The following DNAH5 variants were observed in gnomAD, a reference collection of about 807,000 sequenced individuals.
DNAH5 encodes dynein axonemal heavy chain 5.
A neutral mutation model predicts 518.2 loss-of-function variants in DNAH5; 372 were observed. That is an observed-to-expected ratio of 0.72 (90% CI 0.66 to 0.78). The LOEUF is 0.78. Among genes scored for constraint, DNAH5 ranks in the 30% least tolerant of loss-of-function variants. The pLI is 0.00. For missense variants in DNAH5, 5,523 were observed against 5,687.0 expected, an observed-to-expected ratio of 0.97 and a Z score of 0.93; for synonymous variants, 2,039 against 2,025.9, an observed-to-expected ratio of 1.01 and a Z score of -0.17.
chr5:13,922,061 G>C (rs1181466322), intron 5 of DNAH5, 46 bp downstream of exon 5: 1 of 1,585,340 alleles, frequency 6.3e-7, no homozygotes, highest in Non-Finnish European at 8.7e-7. Flanking sequence ...TACTGTGCTT[G>C]TTGACCACCT....
At chr5:13,819,585 T>C (rs1170072808) in intron 41 of DNAH5, among the ~76,000 whole-genome samples, 1 of 152,126 alleles carries the variant, frequency 6.6e-6, no homozygotes, top group African/African-American at 2.4e-5. Flanking sequence ...TGCACTGCTA[T>C]ATATTTTGCA....
At chr5:13,850,856 C>T in intron 30 of DNAH5, 41 bp from the exon 31 acceptor site, 2 of 1,600,314 alleles carry the variant, frequency 1.2e-6, no homozygotes, top group Non-Finnish European at 1.7e-6. Flanking sequence ...GATTTGGACA[C>T]ATCTGTGATC....
At chr5:13,872,020 T>C (rs1393390057) in intron 22 of DNAH5, among the ~76,000 whole-genome samples, 1 of 152,148 alleles carries the variant, frequency 6.6e-6, no homozygotes, top group Non-Finnish European at 1.5e-5. Context: ...TAGATGACAG[T>C]TCTTGAAGAT....
At chr5:13,818,691 T>C (rs779106659) in intron 41 of DNAH5, among the ~76,000 whole-genome samples, 1 of 152,200 alleles carries the variant, frequency 6.6e-6, no homozygotes, top group Non-Finnish European at 1.5e-5. Flanking sequence ...CTTATAGCAA[T>C]TCCCTGTTGA....
At chr5:13,799,066 T>C (rs537618833) in intron 47 of DNAH5, among the ~76,000 whole-genome samples, 5 of 152,178 alleles carry the variant, frequency 3.3e-5, no homozygotes, top group African/African-American at 1.2e-4. Context: ...GTGCCTGGCC[T>C]CATCATTTTA....
intron 1 of DNAH5, among the ~76,000 whole-genome samples, chr5:13,958,837 A>C (rs897327272): frequency 1.2e-4 from 19 of 152,242 alleles, no homozygotes; most frequent in African/African-American, 4.6e-4. Context: ...TAACAAAATT[A>C]ATCATTAGAA....
intron 38 of DNAH5, among the ~76,000 whole-genome samples, chr5:13,828,070 T>C (rs972155280): frequency 1.3e-5 from 2 of 152,172 alleles, no homozygotes; most frequent in African/African-American, 4.8e-5. Flanking sequence ...AACAGACTAA[T>C]ACAATAAGAA....
chr5:13,793,166 A>C (rs924056877), intron 49 of DNAH5, among the ~76,000 whole-genome samples: 1 of 152,226 alleles, frequency 6.6e-6, no homozygotes, highest in Non-Finnish European at 1.5e-5. Flanking sequence ...TTCGACATGG[A>C]ACATAGCAAT....
chr5:13,734,093 G>T (rs115224681), intron 68 of DNAH5, among the ~76,000 whole-genome samples: 183 of 152,118 alleles, frequency 1.2e-3, no homozygotes, highest in African/African-American at 4.3e-3. Flanking sequence ...GATTAGATGA[G>T]GTCATGAAGG....
intron 22 of DNAH5, among the ~76,000 whole-genome samples, chr5:13,872,647 TG>T (rs1477085946): frequency 2.6e-5 from 4 of 152,204 alleles, no homozygotes; most frequent in African/African-American, 7.2e-5. Flanking sequence ...AAAGATGAAA[TG>T]ACTCTCTGGC....
chr5:13,944,821 A>C (rs1057423768), upstream of DNAH5, among the ~76,000 whole-genome samples: 12 of 152,240 alleles, frequency 7.9e-5, no homozygotes, highest in Admixed American at 5.9e-4. Context: ...TTCACTGCCC[A>C]ATAATAAGCA....
At position 13,811,784 on chromosome 5, in the gene DNAH5, G is replaced by A; in HGVS notation, c.7270C>T (p.Leu2424Phe). The A allele has an allele frequency of 6.2e-7, 1 of 1,614,184 alleles. No homozygotes were observed. The change falls in exon 44 of 79, where the codon CTT becomes TTT. Residue 2424 changes from leucine to phenylalanine, a missense_variant. Transcript: ENST00000265104. ...KKRSPQEAEI[L>F]RQLYTESFPD... Reference sequence around the variant, plus strand: ...AAAGACTCGGTGTACAGCTGACGAAGAATTTCTGCTTCTTGAGGTGAGCGT... The same window carrying A: ...AAAGACTCGGTGTACAGCTGACGAAAAATTTCTGCTTCTTGAGGTGAGCGT...
exon 1 of DNAH5, among the ~76,000 whole-genome samples, chr5:14,011,679 C>G: frequency 6.6e-6 from 1 of 152,120 alleles, no homozygotes; most frequent in East Asian, 1.9e-4. Flanking sequence ...CTGCGGCGCT[C>G]CGCTGGGACT....
chr5:13,941,370 A>G lies in DNAH5; in HGVS notation c.57+3012T>C, dbSNP rs542545016. 1.0e-3 allele frequency among the ~76,000 whole-genome samples: 159 copies of G among 152,174 alleles called. 2 individuals carry two copies. Among genetic ancestry groups the G allele is most frequent in the African/African-American group, 3.7e-3 (154 of 41,512 alleles). On this transcript the variant is annotated intron_variant, in intron 1 of 78. Transcript: ENST00000265104. ...GAGACTGTCTCTAAAAATGGAAAAA[A>G]AATTTTTAAATAGACAGTACCTCTC...
intron 48 of DNAH5, 85 bp downstream of exon 48, chr5:13,793,851 A>C (rs1171542782): frequency 6.4e-7 from 1 of 1,555,352 alleles, no homozygotes; most frequent in African/African-American, 1.4e-5. Context: ...AAAAAGTAAA[A>C]ACTTAAAAAA....
chr5:13,830,776 C>T lies in DNAH5; in HGVS notation c.5883-1G>A, dbSNP rs1195745037. 3 of 1,613,974 alleles carry T rather than the reference C, an allele frequency of 1.9e-6. No homozygotes were observed. The Admixed American group carries it at 5.0e-5, about 27-fold the overall frequency. ...AGCTTGAGCCAGCGTGATGTAACAT[C>T]TGCATGGGTAGAAACATCACTAGAA... On this transcript the variant is annotated splice_acceptor_variant, in intron 35 of 78. Transcript: ENST00000265104. LOFTEE classifies it high-confidence loss of function.
Position 13,701,452 on chromosome 5 carries a change from T to C in DNAH5, c.13339-16A>G. The C allele has an allele frequency of 6.2e-7, 1 of 1,600,706 alleles. No homozygotes were observed. Among genetic ancestry groups the C allele is most frequent in the Non-Finnish European group, 8.6e-7 (1 of 1,167,818 alleles). ...TCCAAGAAGCCTGCAATGAAGACAT[T>C]AAAACAATTAATTGATGTAAGTTTA... On this transcript the variant is annotated splice_polypyrimidine_tract_variant and intron_variant, in intron 76 of 78. Coordinates refer to ENST00000265104, the MANE Select transcript of DNAH5 (RefSeq NM_001369.3).
At chr5:13,723,842 T>C (rs1482236386) in intron 70 of DNAH5, among the ~76,000 whole-genome samples, 4 of 152,210 alleles carry the variant, frequency 2.6e-5, no homozygotes, top group Non-Finnish European at 5.9e-5. Flanking sequence ...TGCCAACCTC[T>C]GGAATAGATA....
chr5:13,702,793 A>G (rs997055246), intron 76 of DNAH5, among the ~76,000 whole-genome samples: 2 of 152,144 alleles, frequency 1.3e-5, no homozygotes, highest in African/African-American at 4.8e-5. Context: ...CCTACTCACT[A>G]TATGCTGCCT....
Sources: gnomAD v4.1 joint callset for allele counts (sites outside exome capture counted in the v4.1 genomes callset) on GRCh38, gnomAD v4.1.1 for gene constraint, MANE v1.5 for transcripts, NCBI Gene and HGNC (gene_info 2026-07-23, HGNC 2026-07-21) for gene names.